The following NRXN3 variants were observed in gnomAD, a reference collection of about 807,000 sequenced individuals.
NRXN3 encodes the protein neurexin 3.
A neutral mutation model predicts 137.6 loss-of-function variants in NRXN3; 32 were observed. That is an observed-to-expected ratio of 0.23 (90% CI 0.18 to 0.31). The LOEUF (loss-of-function observed/expected upper bound fraction) is 0.31. Ranked by LOEUF, NRXN3 falls within the 10% of genes least tolerant of loss-of-function variation. NRXN3 has a pLI of 1.00. For missense variants in NRXN3, 1,574 were observed against 2,062.5 expected (o/e 0.76, Z 4.59); for synonymous variants, 798 against 784.5 (o/e 1.02, Z -0.29).
intron 16 of NRXN3, among the ~76,000 whole-genome samples, chr14:79,618,948 TCTAA>T (rs2153894600): frequency 6.6e-6 from 1 of 152,266 alleles, no homozygotes; most frequent in East Asian, 1.9e-4. Flanking sequence ...TTTGCATTTC[TCTAA>T]CTAGTGATAT....
chr14:78,909,827 G>A (rs921074308), intron 10 of NRXN3, among the ~76,000 whole-genome samples: 2 of 152,014 alleles, frequency 1.3e-5, no homozygotes, highest in Admixed American at 6.6e-5. Flanking sequence ...TGCCCATGAA[G>A]TTCATGGAGT....
intron 10 of NRXN3, among the ~76,000 whole-genome samples, chr14:78,873,425 T>C (rs1185024484): frequency 6.6e-6 from 1 of 152,240 alleles, no homozygotes; most frequent in Non-Finnish European, 1.5e-5. Flanking sequence ...AGATTGAATG[T>C]ACAGTATGGA....
intron 10 of NRXN3, among the ~76,000 whole-genome samples, chr14:78,832,749 T>C (rs1290497174): frequency 6.6e-6 from 1 of 152,202 alleles, no homozygotes; most frequent in African/African-American, 2.4e-5. Context: ...TAATGCCAAA[T>C]ACTGGAATCA....
At chr14:79,641,170 G>C (rs2098431737) in intron 16 of NRXN3, among the ~76,000 whole-genome samples, 1 of 133,632 alleles carries the variant, frequency 7.5e-6, no homozygotes, top group African/African-American at 2.5e-5. Context: ...ACCTCGCCTG[G>C]CTAATTCTTC....
At chr14:78,477,336 A>AT (rs2095398000) in intron 4 of NRXN3, among the ~76,000 whole-genome samples, 1 of 152,204 alleles carries the variant, frequency 6.6e-6, no homozygotes, top group Admixed American at 6.5e-5. Context: ...ACAGATGTAT[A>AT]TGCAAAGATC....
intron 6 of NRXN3, among the ~76,000 whole-genome samples, chr14:78,661,185 G>A (rs1483375830): frequency 1.3e-5 from 2 of 152,146 alleles, no homozygotes; most frequent in Non-Finnish European, 2.9e-5. Flanking sequence ...GAATGTATGA[G>A]CCCATAGCAG....
At chr14:78,942,994 G>A (rs2099356072) in intron 10 of NRXN3, among the ~76,000 whole-genome samples, 1 of 152,190 alleles carries the variant, frequency 6.6e-6, no homozygotes, top group Non-Finnish European at 1.5e-5. Context: ...AATGGGAGAT[G>A]TCTGAGAAAT....
intron 15 of NRXN3, among the ~76,000 whole-genome samples, chr14:79,354,650 A>G (rs778332603): frequency 6.6e-6 from 1 of 152,200 alleles, no homozygotes; most frequent in Admixed American, 6.5e-5. Flanking sequence ...TCACAATATC[A>G]TTCCTATTAC....
chr14:79,447,462 A>G (rs1426573001), intron 15 of NRXN3, among the ~76,000 whole-genome samples: 1 of 152,254 alleles, frequency 6.6e-6, no homozygotes, highest in Non-Finnish European at 1.5e-5. Context: ...ATGACCTTTT[A>G]TTAGTCAAGA....
At chr14:79,524,065 C>G (rs2097095826) in intron 16 of NRXN3, among the ~76,000 whole-genome samples, 1 of 152,178 alleles carries the variant, frequency 6.6e-6, no homozygotes, top group African/African-American at 2.4e-5. Flanking sequence ...ATGAGAACAT[C>G]CTTGACAAAA....
At chr14:79,729,732 C>T (rs544938389) in intron 19 of NRXN3, among the ~76,000 whole-genome samples, 2 of 152,296 alleles carry the variant, frequency 1.3e-5, no homozygotes, top group South Asian at 4.1e-4. Flanking sequence ...GCAGTAGGCA[C>T]AGTGATGGGC....
chr14:79,122,104 A>G (rs933739545), intron 15 of NRXN3, among the ~76,000 whole-genome samples: 1 of 152,128 alleles, frequency 6.6e-6, no homozygotes, highest in Non-Finnish European at 1.5e-5. Flanking sequence ...CATTCTGTGT[A>G]CTGGTGAAGA....
chr14:79,000,134 C>G (rs141211881), intron 15 of NRXN3, among the ~76,000 whole-genome samples: 161 of 152,256 alleles, frequency 1.1e-3, no homozygotes, highest in Non-Finnish European at 1.8e-3. Context: ...ACAATATCAT[C>G]TAACTTCAGG....
In NRXN3 at chr14:79,384,977, A is replaced by G. The variant is rs558151853; in HGVS notation, c.3263-82244A>G. 3.9e-5 allele frequency among the ~76,000 whole-genome samples: 6 copies of G among 152,134 alleles called. No homozygotes were observed. In the East Asian group the frequency reaches 7.7e-4, roughly 20 times the overall value. ...TAGTTAGTGGTTCTCACTTTTTTCT[A>G]GAAATTGCTCTACCTCTGTTTCTCA... On this transcript the variant is annotated intron_variant, in intron 15 of 20. Transcript: ENST00000335750.
intron 15 of NRXN3, among the ~76,000 whole-genome samples, chr14:79,144,594 A>G (rs535021822): frequency 6.6e-4 from 100 of 152,304 alleles, no homozygotes; most frequent in Admixed American, 1.6e-3. Flanking sequence ...AAGATTTTTC[A>G]TTAAGTTTTG....
At chr14:79,130,134 T>C (rs1387076217) in intron 15 of NRXN3, among the ~76,000 whole-genome samples, 6 of 150,348 alleles carry the variant, frequency 4.0e-5, no homozygotes, top group African/African-American at 7.3e-5. Context: ...CTTTATCCAA[T>C]TTGCCAGTCT....
intron 15 of NRXN3, among the ~76,000 whole-genome samples, chr14:79,289,592 C>T (rs1357873472): frequency 1.3e-5 from 2 of 152,026 alleles, no homozygotes; most frequent in East Asian, 1.9e-4. Flanking sequence ...TGCACTCCAG[C>T]CTGGGTGATG....
chr14:78,843,836 C>G lies in NRXN3; in HGVS notation c.2275+33492C>G, dbSNP rs916859475. The stretch of plus-strand genomic sequence containing the variant: ...TAGATTTTAAGTTGTTATGGCTGGC[C>G]CCAAGTCTGCATTGACATAAGGAAT... On this transcript the variant is annotated intron_variant, in intron 10 of 20. Coordinates refer to ENST00000335750, the MANE Select transcript of NRXN3 (RefSeq NM_001330195.2). Among the ~76,000 whole-genome samples the G allele has an allele frequency of 1.6e-4, 25 of 151,948 alleles. 1 individual carries two copies. Among genetic ancestry groups the G allele is most frequent in the Admixed American group, 6.6e-5 (1 of 15,250 alleles).
intron 10 of NRXN3, among the ~76,000 whole-genome samples, chr14:78,843,214 G>A (rs918244964): frequency 1.3e-5 from 2 of 152,122 alleles, no homozygotes; most frequent in Non-Finnish European, 2.9e-5. Flanking sequence ...ACTAATAAAT[G>A]TCCATGAAAT....
Sources: allele counts gnomAD v4.1 joint callset (sites outside exome capture counted in the v4.1 genomes callset), GRCh38; gene constraint gnomAD v4.1.1; transcripts MANE v1.5; gene names NCBI Gene and HGNC (gene_info 2026-07-23, HGNC 2026-07-21).